SEC63: variants seen among roughly 807,000 people sequenced by gnomAD.
SEC63 encodes translocation protein SEC63 homolog.
A neutral mutation model predicts 116.2 loss-of-function variants in SEC63; 56 were observed. That is an observed-to-expected ratio of 0.48 (90% CI 0.39 to 0.60). The LOEUF (loss-of-function observed/expected upper bound fraction) is 0.60, where lower values mean the gene tolerates loss of function less well. Ranked by LOEUF, SEC63 falls within the 20% of genes least tolerant of loss-of-function variation. SEC63 has a pLI of 0.00. For missense variants in SEC63, 668 were observed against 900.0 expected, an observed-to-expected ratio of 0.74 and a Z score of 3.30; for synonymous variants, 273 against 294.6, an observed-to-expected ratio of 0.93 and a Z score of 0.75.
At chr6:107,931,709 T>G (rs1583766056) in intron 1 of SEC63, 1 of 151,106 alleles carries the variant, frequency 6.6e-6, no homozygotes, top group African/African-American at 2.4e-5. Flanking sequence ...ATCACGCCAC[T>G]GCACTCCAGC....
intron 3 of SEC63, among the ~76,000 whole-genome samples, chr6:107,924,305 G>A (rs1371536069): frequency 6.4e-5 from 9 of 139,554 alleles, no homozygotes; most frequent in South Asian, 2.3e-4. Flanking sequence ...CCGGCCGGGC[G>A]CGGTGGCTCA....
At chr6:107,884,562 C>T (rs950356261) in intron 16 of SEC63, among the ~76,000 whole-genome samples, 32 of 151,962 alleles carry the variant, frequency 2.1e-4, no homozygotes, top group African/African-American at 7.5e-4. Flanking sequence ...ATAAACTCTG[C>T]GAATAACTCC....
In SEC63 at chr6:107,870,254, T is replaced by TCAC. The variant is rs1221490389; in HGVS notation, c.*1447_*1449dup. ...GAGGTTATAGAGAAAGAAACTGCTT[T>TCAC]CACCCTTTTATAGGAAATATTACAT... On this transcript the variant is annotated 3_prime_UTR_variant, in exon 21 of 21. Transcript: ENST00000369002. 2.6e-5 allele frequency: 4 copies of TCAC among 152,820 alleles called. No individual in the cohort carries two copies. Among genetic ancestry groups the TCAC allele is most frequent in the African/African-American group, 4.8e-5 (2 of 41,442 alleles). 9.5% of individuals were successfully genotyped at this position (152,820 alleles called of 1,614,324 possible). A position where few individuals can be genotyped will look rare whatever the true frequency, so the allele number is the denominator to read the frequency against.
At position 107,869,628 on chromosome 6, in the gene SEC63, C is replaced by G. The variant is rs1290869071; in HGVS notation, c.*2076G>C. On this transcript the variant is annotated 3_prime_UTR_variant, in exon 21 of 21. Coordinates refer to ENST00000369002, the MANE Select transcript of SEC63 (RefSeq NM_007214.5). ...AGAGAGAAGAACTATCAACTGAAGG[C>G]TCAGTTCTTTCACTACTGCCATATG... 1 of 152,124 alleles carries G rather than the reference C, an allele frequency of 6.6e-6. No homozygotes were observed. Among genetic ancestry groups the G allele is most frequent in the Non-Finnish European group, 1.5e-5 (1 of 68,012 alleles). 9.4% of individuals were successfully genotyped at this position (152,124 alleles called of 1,614,324 possible).
intron 13 of SEC63, among the ~76,000 whole-genome samples, chr6:107,898,004 C>G (rs1300290586): frequency 6.6e-6 from 1 of 152,170 alleles, no homozygotes; most frequent in Non-Finnish European, 1.5e-5. Context: ...GTGGCTCATG[C>G]CTGTAATCCC....
chr6:107,924,830 T>C lies in SEC63; in HGVS notation c.327A>G (p.Leu109=). The change falls in exon 3 of 21, where the codon TTA becomes TTG. Residue 109 remains leucine, a synonymous_variant. Coordinates refer to ENST00000369002, the MANE Select transcript of SEC63 (RefSeq NM_007214.5). ...AAATACTACTTACAGGATCCAAATT[T>C]AATACTTCATAAGGATTGTATTCTT... ...EYQEYNPYEV[L]NLDPGATVAE... is the part of the protein sequence containing the mutation. 2.0e-6 allele frequency: 3 copies of C among 1,517,320 alleles called. No individual in the cohort carries two copies. Among genetic ancestry groups the C allele is most frequent in the Non-Finnish European group, 2.7e-6 (3 of 1,091,884 alleles). 94.0% of individuals were successfully genotyped at this position (1,517,320 alleles called of 1,614,324 possible).
chr6:107,899,453 C>T (rs1333156169), intron 13 of SEC63, among the ~76,000 whole-genome samples: 1 of 152,154 alleles, frequency 6.6e-6, no homozygotes, highest in African/African-American at 2.4e-5. Context: ...TGGTGGCTCA[C>T]GCCTATAATC....
intron 1 of SEC63, among the ~76,000 whole-genome samples, chr6:107,943,005 T>G (rs1770409667): frequency 6.6e-6 from 1 of 152,216 alleles, no homozygotes. Context: ...ATGAGTCCCA[T>G]GGTGTTGCAA....
chr6:107,945,370 G>A lies in SEC63; in HGVS notation c.124+12516C>T, dbSNP rs1325944046. On this transcript the variant is annotated intron_variant, in intron 1 of 20. Coordinates refer to ENST00000369002, the MANE Select transcript of SEC63 (RefSeq NM_007214.5). ...CGCCCAGGCTGGAGTGCAATGGTGCGATCTTGGCTCACTGCAACCTCCACC... is the reference window on the plus strand; with the variant it reads ...CGCCCAGGCTGGAGTGCAATGGTGCAATCTTGGCTCACTGCAACCTCCACC... 3.3e-5 allele frequency among the ~76,000 whole-genome samples: 5 copies of A among 149,664 alleles called. No individual in the cohort carries two copies. The East Asian group carries it at 6.0e-4, about 18-fold the overall frequency.
intron 1 of SEC63, among the ~76,000 whole-genome samples, chr6:107,948,405 C>T (rs1440477843): frequency 1.3e-5 from 2 of 152,166 alleles, no homozygotes; most frequent in East Asian, 3.8e-4. Context: ...TGAGATAATA[C>T]ATGAATCTAG....
intron 14 of SEC63, among the ~76,000 whole-genome samples, chr6:107,897,027 A>G (rs1286118631): frequency 6.7e-6 from 1 of 149,506 alleles, no homozygotes; most frequent in Non-Finnish European, 1.5e-5. Flanking sequence ...GAAGAAGGGA[A>G]GGAGGGAGGG....
chr6:107,915,382 G>A (rs187552787), intron 4 of SEC63, among the ~76,000 whole-genome samples: 95 of 152,200 alleles, frequency 6.2e-4, no homozygotes, highest in African/African-American at 2.3e-3. Flanking sequence ...TCTAGAGAAT[G>A]CTTTCACTAA....
chr6:107,941,255 G>A lies in SEC63; in HGVS notation c.125-11741C>T, dbSNP rs79715709. On this transcript the variant is annotated intron_variant, in intron 1 of 20. Coordinates refer to ENST00000369002, the MANE Select transcript of SEC63 (RefSeq NM_007214.5). Reference sequence around the variant, plus strand: ...TAATACAAATTCATAAAGAAAATTTGAGCCTGGGCAACATAGCAAGACCTC... The same window carrying A: ...TAATACAAATTCATAAAGAAAATTTAAGCCTGGGCAACATAGCAAGACCTC... 2.6e-5 allele frequency among the ~76,000 whole-genome samples: 4 copies of A among 152,160 alleles called. No homozygotes were observed. The East Asian group carries it at 7.7e-4, about 29-fold the overall frequency.
At chr6:107,930,692 C>T (rs1787781243) in intron 1 of SEC63, among the ~76,000 whole-genome samples, 1 of 151,892 alleles carries the variant, frequency 6.6e-6, no homozygotes, top group African/African-American at 2.4e-5. Flanking sequence ...TCTCCTAAAC[C>T]CGTAAAACTT....
chr6:107,912,696 T>A lies in SEC63; in HGVS notation c.573+20A>T, dbSNP rs199689941. On this transcript the variant is annotated intron_variant, in intron 6 of 20. Coordinates refer to ENST00000369002, the MANE Select transcript of SEC63 (RefSeq NM_007214.5). ...ATTTTGTCTAATACATCATAATGTA[T>A]CTTATTTAAATGCACTCACCAGAAT... The A allele has an allele frequency of 1.3e-6, 2 of 1,522,794 alleles. No individual in the cohort carries two copies. The highest frequency in any genetic ancestry group is 2.3e-5 in the South Asian group (2 of 88,670). 94.3% of individuals were successfully genotyped at this position (1,522,794 alleles called of 1,614,324 possible).
intron 16 of SEC63, among the ~76,000 whole-genome samples, chr6:107,886,390 G>T (rs1402853660): frequency 1.3e-5 from 2 of 152,124 alleles, no homozygotes; most frequent in African/African-American, 2.4e-5. Context: ...TGGGATTGCT[G>T]GGTCAAGTAT....
chr6:107,942,109 A>G (rs1369175219), intron 1 of SEC63, among the ~76,000 whole-genome samples: 2 of 152,234 alleles, frequency 1.3e-5, no homozygotes, highest in African/African-American at 4.8e-5. Context: ...TTCTATAATT[A>G]GATATATAAA....
At chr6:107,934,122 C>G (rs1445222077) in intron 1 of SEC63, among the ~76,000 whole-genome samples, 1 of 152,210 alleles carries the variant, frequency 6.6e-6, no homozygotes, top group African/African-American at 2.4e-5. Flanking sequence ...GCCGAGATTG[C>G]AGCCTCTGCC....
At chr6:107,886,137 G>C (rs1307862394) in intron 16 of SEC63, among the ~76,000 whole-genome samples, 3 of 152,072 alleles carry the variant, frequency 2.0e-5, no homozygotes, top group Non-Finnish European at 4.4e-5. Flanking sequence ...GTGTTAGTTT[G>C]CTGAGAATGA....
Sources: allele counts gnomAD v4.1 joint callset (sites outside exome capture counted in the v4.1 genomes callset), GRCh38; gene constraint gnomAD v4.1.1; transcripts MANE v1.5; gene names NCBI Gene and HGNC (gene_info 2026-07-23, HGNC 2026-07-21).